The following TMEM132C variants were observed in gnomAD, a reference collection of about 807,000 sequenced individuals.
The protein encoded by TMEM132C is transmembrane protein 132C, also known as protein phosphatase 1, regulatory subunit 152.
TMEM132C carries 29 observed loss-of-function variants against 61.4 expected under a neutral mutation model. That is an observed-to-expected ratio of 0.47 (90% CI 0.35 to 0.64). The LOEUF (loss-of-function observed/expected upper bound fraction) is 0.64, where lower values mean the gene tolerates loss of function less well. TMEM132C is among the 30% of genes least tolerant of loss of function. The pLI is 0.00. For missense variants in TMEM132C, 1,408 were observed against 1,476.9 expected (o/e 0.95, Z 0.76); for synonymous variants, 656 against 633.1 (o/e 1.04, Z -0.54).
At chr12:128,352,069 G>T (rs1363136146) in intron 1 of TMEM132C, among the ~76,000 whole-genome samples, 1 of 152,080 alleles carries the variant, frequency 6.6e-6, no homozygotes, top group Non-Finnish European at 1.5e-5. Flanking sequence ...GTTGTATTCA[G>T]GTCTTCACTG....
At chr12:128,332,294 T>C (rs2135945673) in intron 1 of TMEM132C, among the ~76,000 whole-genome samples, 1 of 152,346 alleles carries the variant, frequency 6.6e-6, no homozygotes, top group Non-Finnish European at 1.5e-5. Context: ...AAGGTATGCC[T>C]CCCTGTTCTT....
intron 1 of TMEM132C, among the ~76,000 whole-genome samples, chr12:128,301,974 TTAC>T (rs1871613667): frequency 6.6e-6 from 1 of 152,168 alleles, no homozygotes; most frequent in South Asian, 2.1e-4. Flanking sequence ...CTCATGAGAC[TTAC>T]TTACTACCAC....
At chr12:128,457,526 A>C (rs1870386444) in intron 2 of TMEM132C, among the ~76,000 whole-genome samples, 1 of 150,964 alleles carries the variant, frequency 6.6e-6, no homozygotes, top group Non-Finnish European at 1.5e-5. Flanking sequence ...CAGTGAGCCG[A>C]GATCGCGCCA....
chr12:128,620,923 G>A (rs1371193573), intron 4 of TMEM132C, among the ~76,000 whole-genome samples: 1 of 152,010 alleles, frequency 6.6e-6, no homozygotes, highest in Non-Finnish European at 1.5e-5. Context: ...ACTTATTCTT[G>A]CATCTGCAAA....
Position 128,356,936 on chromosome 12 carries a change from C to T in TMEM132C, c.86-57796C>T, listed in dbSNP as rs375605375. Among the ~76,000 whole-genome samples, 12 of 152,072 alleles carry T rather than the reference C, an allele frequency of 7.9e-5. 1 individual carries two copies. Among genetic ancestry groups the T allele is most frequent in the East Asian group, 3.9e-4 (2 of 5,190 alleles). ...ACTTGCCCAAGATAAATATGGGAGA[C>T]GAAAATCTCATTTATATTTAAGGTC... On this transcript the variant is annotated intron_variant, in intron 1 of 8. Transcript: ENST00000435159.
intron 4 of TMEM132C, among the ~76,000 whole-genome samples, chr12:128,631,578 G>A (rs1954065505): frequency 6.6e-6 from 1 of 152,146 alleles, no homozygotes; most frequent in African/African-American, 2.4e-5. Flanking sequence ...TGAATTCCTG[G>A]TGTTTCATCA....
At chr12:128,478,809 C>T (rs1015782975) in intron 2 of TMEM132C, among the ~76,000 whole-genome samples, 3 of 152,196 alleles carry the variant, frequency 2.0e-5, no homozygotes, top group Admixed American at 6.5e-5. Context: ...CAGCACTCAA[C>T]GACTTATGCC....
At chr12:128,440,913 G>A (rs866489580) in intron 2 of TMEM132C, among the ~76,000 whole-genome samples, 36 of 152,102 alleles carry the variant, frequency 2.4e-4, no homozygotes, top group Admixed American at 4.6e-4. Flanking sequence ...TCCAGGCGTC[G>A]TGGTGTAGTC....
At chr12:128,472,878 A>G (rs1301882600) in intron 2 of TMEM132C, among the ~76,000 whole-genome samples, 2 of 152,210 alleles carry the variant, frequency 1.3e-5, no homozygotes, top group Non-Finnish European at 2.9e-5. Flanking sequence ...CCACATATAT[A>G]TGAAGTCTGG....
chr12:128,543,703 C>G (rs1038131030), intron 2 of TMEM132C, among the ~76,000 whole-genome samples: 1 of 152,120 alleles, frequency 6.6e-6, no homozygotes, highest in Non-Finnish European at 1.5e-5. Context: ...ACCTCCTGGT[C>G]TGGTGAATTC....
At chr12:128,413,313 A>AAAAAC (rs1320284626) in intron 1 of TMEM132C, among the ~76,000 whole-genome samples, 19 of 150,896 alleles carry the variant, frequency 1.3e-4, no homozygotes, top group Non-Finnish European at 2.4e-4. Flanking sequence ...AAAAAAAAAA[A>AAAAAC]AAAAAAAACC....
Position 128,490,349 on chromosome 12 carries a change from C to G in TMEM132C, c.975-53608C>G, listed in dbSNP as rs575432849. On this transcript the variant is annotated intron_variant, in intron 2 of 8. Transcript: ENST00000435159. ...AGAAGCACCAGTGGGTTTTCTTTCC[C>G]TCGCCTTGCCCTGGAAGAGATCACC... Among the ~76,000 whole-genome samples the G allele has an allele frequency of 1.5e-3, 225 of 152,268 alleles. 3 individuals carry two copies. The highest frequency in any genetic ancestry group is 4.6e-3 in the African/African-American group (189 of 41,532).
At chr12:128,595,924 A>G (rs948156577) in intron 3 of TMEM132C, among the ~76,000 whole-genome samples, 2 of 152,166 alleles carry the variant, frequency 1.3e-5, no homozygotes, top group African/African-American at 4.8e-5. Context: ...ATTTCCCAGG[A>G]AAAAACTGCC....
At chr12:128,344,244 G>A (rs1239198204) in intron 1 of TMEM132C, among the ~76,000 whole-genome samples, 1 of 152,026 alleles carries the variant, frequency 6.6e-6, no homozygotes. Flanking sequence ...GGCAAGCTCC[G>A]CCTCCCGGGT....
At chr12:128,399,736 A>G (rs1875086487) in intron 1 of TMEM132C, among the ~76,000 whole-genome samples, 1 of 152,160 alleles carries the variant, frequency 6.6e-6, no homozygotes, top group Non-Finnish European at 1.5e-5. Flanking sequence ...GGTCAAACAC[A>G]GCCCACCACC....
At chr12:128,426,807 A>G (rs1869201320) in intron 2 of TMEM132C, among the ~76,000 whole-genome samples, 1 of 152,074 alleles carries the variant, frequency 6.6e-6, no homozygotes, top group South Asian at 2.1e-4. Context: ...CATAGAATTG[A>G]CTCCAGCTCT....
chr12:128,464,797 G>GAGAGAAAGAGAGAAAGA (rs1291545708), intron 2 of TMEM132C, among the ~76,000 whole-genome samples: 1 of 104,684 alleles, frequency 9.6e-6, no homozygotes, highest in Non-Finnish European at 1.9e-5. Context: ...AGAAAGAGAG[G>GAGAGAAAGAGAGAAAGA]GAGGGAGGGA....
At chr12:128,377,365 T>C (rs925378313) in intron 1 of TMEM132C, among the ~76,000 whole-genome samples, 30 of 152,202 alleles carry the variant, frequency 2.0e-4, no homozygotes, top group African/African-American at 7.0e-4. Flanking sequence ...AGAATCTTTT[T>C]CTATAGATAC....
chr12:128,381,184 C>T (rs146198039), intron 1 of TMEM132C, among the ~76,000 whole-genome samples: 30 of 152,304 alleles, frequency 2.0e-4, no homozygotes, highest in African/African-American at 5.3e-4. Context: ...CAGGTAGGAA[C>T]GTGCTTTGAG....
Sources: allele counts gnomAD v4.1 joint callset (sites outside exome capture counted in the v4.1 genomes callset), GRCh38; gene constraint gnomAD v4.1.1; transcripts MANE v1.5; gene names NCBI Gene and HGNC (gene_info 2026-07-23, HGNC 2026-07-21).